Variants in RPS6KA2 observed in about 807,000 individuals in gnomAD.
RPS6KA2 encodes ribosomal protein S6 kinase A2.
Under a neutral mutation model 91.8 loss-of-function variants are expected in RPS6KA2, and 42 were observed. That is an observed-to-expected ratio of 0.46 (90% confidence interval 0.36 to 0.59). RPS6KA2 has a LOEUF of 0.59. Among genes scored for constraint, RPS6KA2 ranks in the 20% least tolerant of loss-of-function variants. The probability of loss-of-function intolerance (pLI) is 0.00; values close to 1 mark genes in which losing one functional copy is unlikely to be tolerated. For synonymous variants in RPS6KA2, 414 were observed against 393.6 expected (o/e 1.05, Z -0.61); for missense variants, 798 against 978.5 (o/e 0.82, Z 2.46).
chr6:166,708,905 T>C (rs1042041876), intron 2 of RPS6KA2, among the ~76,000 whole-genome samples: 1 of 152,224 alleles, frequency 6.6e-6, no homozygotes, highest in East Asian at 1.9e-4. Context: ...CAAATTGCAA[T>C]GTATTAAGTT....
rs571102586 is a variant in RPS6KA2 at position 166,557,303 on chromosome 6, C to T, written c.100-18519G>A. Among the ~76,000 whole-genome samples the T allele has an allele frequency of 1.7e-3, 262 of 152,292 alleles. No homozygotes were observed. Among genetic ancestry groups the T allele is most frequent in the African/African-American group, 5.9e-3 (247 of 41,560 alleles). On this transcript the variant is annotated intron_variant, in intron 1 of 20. Coordinates refer to ENST00000265678, the MANE Select transcript of RPS6KA2 (RefSeq NM_021135.6). The surrounding 1 kb of genome is among the most constrained non-coding windows in gnomAD (Gnocchi z 4.8). ...CGGAGCATGCTTCCCAAGAACAGCC[C>T]GCAGGGAAGACGCCCAAAACCTAAA...
chr6:166,633,011 T>C (rs1787131563), intron 2 of RPS6KA2, among the ~76,000 whole-genome samples: 1 of 152,214 alleles, frequency 6.6e-6, no homozygotes, highest in South Asian at 2.1e-4. Flanking sequence ...GCCCAGGAGT[T>C]CAAGGCCAAC....
Position 166,418,125 on chromosome 6 carries a change from C to G in RPS6KA2, c.1938+100G>C. ...AAAAAATATGCTGAGGATAAAATAC[C>G]TATACTACTTACATAAAACCTATCC... On this transcript the variant is annotated intron_variant, in intron 19 of 20. Coordinates refer to ENST00000265678, the MANE Select transcript of RPS6KA2 (RefSeq NM_021135.6). The surrounding 1 kb of genome is among the most constrained non-coding windows in gnomAD (Gnocchi z 4.9). 3.8e-6 allele frequency: 3 copies of G among 780,080 alleles called. No individual in the cohort carries two copies. The South Asian group carries it at 5.0e-5, about 13-fold the overall frequency. The allele number at this position is 780,080 out of a possible 1,614,324, so 48.3% of individuals were successfully genotyped here. A position where few individuals can be genotyped will look rare whatever the true frequency, so the allele number is the denominator to read the frequency against.
At position 166,665,016 on chromosome 6, in the gene RPS6KA2, A is replaced by T. The variant is rs1218298726; in HGVS notation, c.124-126232T>A. On this transcript the variant is annotated intron_variant, in intron 2 of 21. Transcript: ENST00000503859. This position sits in a 1 kb window ranked among gnomAD's most constrained non-coding sequence, Gnocchi z 4.5. ...CCCCAGTACTTTGAGAGGCTGAGGCAAGAGGATTGCTTGAGCCCAGAAGTT... is the reference window on the plus strand; with the variant it reads ...CCCCAGTACTTTGAGAGGCTGAGGCTAGAGGATTGCTTGAGCCCAGAAGTT... Among the ~76,000 whole-genome samples the T allele has an allele frequency of 6.6e-6, 1 of 152,212 alleles. No homozygotes were observed. The highest frequency in any genetic ancestry group is 2.4e-5 in the African/African-American group (1 of 41,462).
At chr6:166,475,157 AGCCTGTGGTG>A in intron 10 of RPS6KA2, among the ~76,000 whole-genome samples, 1 of 105,128 alleles carries the variant, frequency 9.5e-6, no homozygotes, top group East Asian at 5.4e-4. Flanking sequence ...GATGTGCCCC[AGCCTGTGGTG>A]CTTCTGCTTA....
At chr6:166,856,094 G>C (rs139419456) in intron 2 of RPS6KA2, among the ~76,000 whole-genome samples, 1 of 152,334 alleles carries the variant, frequency 6.6e-6, no homozygotes, top group East Asian at 1.9e-4. Flanking sequence ...AAACACTGTT[G>C]ATGAATTAAA....
chr6:166,691,748 C>T (rs2128571371), intron 2 of RPS6KA2, among the ~76,000 whole-genome samples: 1 of 152,316 alleles, frequency 6.6e-6, no homozygotes, highest in East Asian at 1.9e-4. Context: ...AGTGGAGGCT[C>T]CTTTGGTTTG....
chr6:166,684,011 C>G (rs560634255), intron 2 of RPS6KA2, among the ~76,000 whole-genome samples: 1 of 152,188 alleles, frequency 6.6e-6, no homozygotes, highest in African/African-American at 2.4e-5. Flanking sequence ...ATCCCAGACA[C>G]GCTCTTGTAG....
rs140300034 is a variant in RPS6KA2 at position 166,414,217 on chromosome 6, G to A, written c.1939-286C>T. Among the ~76,000 whole-genome samples the A allele has an allele frequency of 8.5e-4, 129 of 152,260 alleles. 1 individual carries two copies. The highest frequency in any genetic ancestry group is 1.5e-3 in the South Asian group (7 of 4,818). On this transcript the variant is annotated intron_variant, in intron 19 of 20. Transcript: ENST00000265678. The stretch of plus-strand genomic sequence containing the variant: ...AAATATTAGATGATGCATGTAAATC[G>A]ATGAAACACTGTTTCTTGTAACAAT...
At chr6:166,545,770 C>T (rs963575017) in intron 1 of RPS6KA2, among the ~76,000 whole-genome samples, 2 of 152,282 alleles carry the variant, frequency 1.3e-5, no homozygotes, top group South Asian at 2.1e-4. Flanking sequence ...CTTCTCAGCC[C>T]TCAGTCTGCT....
In RPS6KA2 at chr6:166,418,898, C is replaced by T. The variant is rs139235291; in HGVS notation, c.1821-556G>A. Among the ~76,000 whole-genome samples the T allele has an allele frequency of 3.9e-4, 60 of 152,370 alleles. No homozygotes were observed. The highest frequency in any genetic ancestry group is 1.4e-3 in the African/African-American group (57 of 41,588). The stretch of plus-strand genomic sequence containing the variant: ...CCACACACTCCTAGGAAAGGAAGGA[C>T]ACGTGTGCTGCCAGCGCTTCCTCTA... On this transcript the variant is annotated intron_variant, in intron 18 of 20. Transcript: ENST00000265678. This position sits in a 1 kb window ranked among gnomAD's most constrained non-coding sequence, Gnocchi z 4.9.
At chr6:166,790,971 C>A (rs1779071352) in intron 2 of RPS6KA2, among the ~76,000 whole-genome samples, 1 of 152,146 alleles carries the variant, frequency 6.6e-6, no homozygotes, top group Non-Finnish European at 1.5e-5. Flanking sequence ...AGCAAAATAA[C>A]CAGCTAACAT....
chr6:166,627,083 G>T lies in RPS6KA2; in HGVS notation c.-64C>A, dbSNP rs1018892486. On this transcript the variant is annotated 5_prime_UTR_variant, in exon 1 of 21. Transcript: ENST00000265678. ...GACGCGCATCCCCGGCATCCCAGGC[G>T]CGGGGCTCAGGTCCGCGGGCGGGCA... The T allele has an allele frequency of 3.0e-5, 39 of 1,282,148 alleles. No individual in the cohort carries two copies. In the African/African-American group the frequency reaches 5.0e-4, roughly 16 times the overall value. 79.4% of individuals were successfully genotyped at this position (1,282,148 alleles called of 1,614,324 possible).
At chr6:166,769,015 T>C (rs1294578494) in intron 2 of RPS6KA2, among the ~76,000 whole-genome samples, 1 of 152,190 alleles carries the variant, frequency 6.6e-6, no homozygotes, top group Non-Finnish European at 1.5e-5. Flanking sequence ...GTTCCAACTA[T>C]GGCAACTTAC....
chr6:166,596,143 G>A (rs1008768782), intron 1 of RPS6KA2, among the ~76,000 whole-genome samples: 10 of 152,336 alleles, frequency 6.6e-5, no homozygotes, highest in East Asian at 3.9e-4. Context: ...AAGGCGGGGC[G>A]GCCTCCAGAC....
chr6:166,701,846 G>T lies in RPS6KA2; in HGVS notation c.123+156354C>A, dbSNP rs1789530353. The T allele has an allele frequency of 2.1e-5, 19 of 895,800 alleles. No homozygotes were observed. In the South Asian group the frequency reaches 2.6e-4, roughly 12 times the overall value. 55.5% of individuals were successfully genotyped at this position (895,800 alleles called of 1,614,324 possible). ...ACATGTCTCAACATTGCCTTTAGCT[G>T]TAATGGTGTGTTCTGGATTATACTG... On this transcript the variant is annotated intron_variant, in intron 2 of 21. Coordinates refer to the RPS6KA2 transcript ENST00000503859.
intron 2 of RPS6KA2, among the ~76,000 whole-genome samples, chr6:166,802,778 G>C (rs1278961346): frequency 2.0e-5 from 3 of 152,112 alleles, no homozygotes; most frequent in African/African-American, 4.8e-5. Context: ...TTGAACGCTT[G>C]TCACTCATTA....
At chr6:166,489,547 G>A (rs957690951) in intron 9 of RPS6KA2, among the ~76,000 whole-genome samples, 5 of 152,210 alleles carry the variant, frequency 3.3e-5, no homozygotes, top group Non-Finnish European at 7.3e-5. Flanking sequence ...AATGCCCTGA[G>A]GCCACACCCG....
chr6:166,748,109 C>T (rs1364256464), intron 2 of RPS6KA2, among the ~76,000 whole-genome samples: 2 of 152,178 alleles, frequency 1.3e-5, no homozygotes, highest in Non-Finnish European at 2.9e-5. Context: ...CTTATCCTGT[C>T]ACTTTTGTAT....
Sources: gnomAD v4.1 joint callset for allele counts (sites outside exome capture counted in the v4.1 genomes callset) on GRCh38, gnomAD v4.1.1 for gene constraint, Gnocchi (gnomAD v3.1) non-coding constraint, MANE v1.5 for transcripts, NCBI Gene and HGNC (gene_info 2026-07-23, HGNC 2026-07-21) for gene names.